Variants in PRKCQ observed in about 807,000 individuals in gnomAD.
PRKCQ encodes protein kinase C theta, also known as protein kinase C theta type.
In PRKCQ, 41 loss-of-function variants were observed where a neutral mutation model predicts 91.2. The ratio of observed to expected loss-of-function variants is 0.45; its 90% CI spans 0.35 to 0.58. The LOEUF (loss-of-function observed/expected upper bound fraction) is 0.58, where lower values mean the gene tolerates loss of function less well. PRKCQ is among the 20% of genes least tolerant of loss of function. The pLI is 0.00. For synonymous variants in PRKCQ, 307 were observed against 316.9 expected (o/e 0.97, Z 0.33); for missense variants, 673 against 896.5 (o/e 0.75, Z 3.18).
At chr10:6,415,730 TTC>T in the PRKCQ span, among the ~76,000 whole-genome samples, 4 of 134,030 alleles carry the variant, frequency 3.0e-5, no homozygotes, top group African/African-American at 5.3e-5. Context: ...CTGCTAATGT[TTC>T]TCTCTCTCTC....
At chr10:6,549,390 A>C (rs1241175251) in intron 1 of PRKCQ, among the ~76,000 whole-genome samples, 1 of 152,158 alleles carries the variant, frequency 6.6e-6, no homozygotes, top group Non-Finnish European at 1.5e-5. Context: ...GGACTAAAGC[A>C]AGAAGTCTGG....
intron 14 of PRKCQ, among the ~76,000 whole-genome samples, chr10:6,459,249 A>G (rs1243422928): frequency 4.6e-5 from 7 of 152,194 alleles, no homozygotes; most frequent in Admixed American, 4.6e-4. Flanking sequence ...AATTGGAATA[A>G]CATTCACTTG....
At chr10:6,513,885 A>G (rs1416374085) in intron 2 of PRKCQ, among the ~76,000 whole-genome samples, 1 of 152,200 alleles carries the variant, frequency 6.6e-6, no homozygotes, top group Non-Finnish European at 1.5e-5. Flanking sequence ...AGGCCTTTGC[A>G]GGACAACCCT....
At chr10:6,482,344 C>T (rs1419313710) in intron 11 of PRKCQ, among the ~76,000 whole-genome samples, 1 of 152,136 alleles carries the variant, frequency 6.6e-6, no homozygotes, top group Non-Finnish European at 1.5e-5. Context: ...CAACTGTAAT[C>T]CCAGCTACTA....
At chr10:6,395,185 T>A in the PRKCQ span, among the ~76,000 whole-genome samples, 3 of 149,496 alleles carry the variant, frequency 2.0e-5, no homozygotes, top group Admixed American at 2.0e-4. Context: ...CGCTTCAGCC[T>A]CCCGAGTAGC....
At chr10:6,544,498 G>T (rs1271906455) in intron 1 of PRKCQ, among the ~76,000 whole-genome samples, 3 of 152,156 alleles carry the variant, frequency 2.0e-5, no homozygotes, top group Admixed American at 6.5e-5. Flanking sequence ...ATTGATAAAT[G>T]GAGATAACTG....
intron 8 of PRKCQ, chr10:6,489,653 T>G (rs1588749287): frequency 1.8e-5 from 6 of 324,796 alleles, no homozygotes; most frequent in Non-Finnish European, 3.1e-5. Flanking sequence ...GTGAGCACAG[T>G]GGAGGGGCAG....
At position 6,430,848 on chromosome 10, in the gene PRKCQ, C is replaced by T. The variant is rs1035888608; in HGVS notation, c.1927G>A (p.Glu643Lys). 6.2e-7 allele frequency: 1 copy of T among 1,614,038 alleles called. No individual in the cohort carries two copies. Residue 643 changes from glutamate (E) to lysine (K), a missense_variant, in exon 17 of 18, where the codon GAA becomes AAA. Transcript: ENST00000263125. This position sits in a 1 kb window ranked among gnomAD's most constrained non-coding sequence, Gnocchi z 4.7. ...LFREINWEELERKEIDPPFRP... is the reference protein window; with the variant it reads ...LFREINWEELKRKEIDPPFRP... The stretch of plus-strand genomic sequence containing the variant: ...AACGGTGGGTCAATCTCCTTCCGTT[C>T]AAGTTCCTCCCAGTTGATCTCCCGA...
intron 11 of PRKCQ, 116 bp downstream of exon 11, chr10:6,483,324 G>T: frequency 2.9e-6 from 4 of 1,364,626 alleles, no homozygotes; most frequent in Non-Finnish European, 4.1e-6. Context: ...CAGGAAAGCT[G>T]TCTCTGACAC....
intron 14 of PRKCQ, among the ~76,000 whole-genome samples, chr10:6,458,183 G>A (rs1188305928): frequency 6.6e-6 from 1 of 152,222 alleles, no homozygotes; most frequent in Non-Finnish European, 1.5e-5. Flanking sequence ...CAATCCTTCT[G>A]CCTCAGACTC....
chr10:6,561,293 G>A (rs1220154074), intron 1 of PRKCQ, among the ~76,000 whole-genome samples: 3 of 140,740 alleles, frequency 2.1e-5, no homozygotes, highest in Admixed American at 7.8e-5. Flanking sequence ...GATCACCTGA[G>A]CCTGGGAGGT....
the PRKCQ span, among the ~76,000 whole-genome samples, chr10:6,411,136 A>G: frequency 9.2e-5 from 14 of 152,328 alleles, no homozygotes; most frequent in South Asian, 2.3e-3. Context: ...GCTTATAATG[A>G]GAGAGGAGTC....
chr10:6,498,474 T>G lies in PRKCQ; in HGVS notation c.464A>C (p.His155Pro), dbSNP rs745983195. The G allele has an allele frequency of 6.2e-7, 1 of 1,614,188 alleles. No homozygotes were observed. The highest frequency in any genetic ancestry group is 8.5e-7 in the Non-Finnish European group (1 of 1,180,030). Residue 155 changes from histidine (H) to proline (P), a missense_variant, in exon 5 of 18, where the codon CAC becomes CCC. His to Pro is a moderately conservative substitution (Grantham distance 77). Coordinates refer to ENST00000263125, the MANE Select transcript of PRKCQ (RefSeq NM_006257.5). ...RRGAIKQAKVHHVKCHEFTAT... is the reference protein window; with the variant it reads ...RRGAIKQAKVPHVKCHEFTAT... ...AGTGAACTCGTGGCACTTGACGTGGTGGACCTTTGCCTGCTTGATGGCACC... is the reference window on the plus strand; with the variant it reads ...AGTGAACTCGTGGCACTTGACGTGGGGGACCTTTGCCTGCTTGATGGCACC...
intron 15 of PRKCQ, among the ~76,000 whole-genome samples, chr10:6,449,793 A>G (rs531067076): frequency 3.9e-5 from 6 of 152,338 alleles, no homozygotes; most frequent in African/African-American, 1.2e-4. Flanking sequence ...ATTCTTAAAG[A>G]AAAGAATTTT....
In PRKCQ at chr10:6,576,144, A is replaced by G. The variant is rs867827474; in HGVS notation, c.-10+4067T>C. Among the ~76,000 whole-genome samples the G allele has an allele frequency of 1.3e-5, 2 of 152,192 alleles. No homozygotes were observed. The highest frequency in any genetic ancestry group is 4.8e-5 in the African/African-American group (2 of 41,436). On this transcript the variant is annotated intron_variant, in intron 1 of 17. Coordinates refer to ENST00000263125, the MANE Select transcript of PRKCQ (RefSeq NM_006257.5). The surrounding 1 kb of genome is among the most constrained non-coding windows in gnomAD (Gnocchi z 4.2). ...CGGTCCAGCCACTGTGGAAAACAATATGGCAGTTCCTCAAAAAATTAAACA... is the reference window on the plus strand; with the variant it reads ...CGGTCCAGCCACTGTGGAAAACAATGTGGCAGTTCCTCAAAAAATTAAACA...
At chr10:6,460,876 C>G (rs1251168691) in intron 14 of PRKCQ, among the ~76,000 whole-genome samples, 1 of 151,598 alleles carries the variant, frequency 6.6e-6, no homozygotes, top group East Asian at 1.9e-4. Context: ...TTCAATTTAC[C>G]CATCACCCAT....
intron 1 of PRKCQ, among the ~76,000 whole-genome samples, chr10:6,567,023 C>T (rs2130967112): frequency 6.6e-6 from 1 of 152,072 alleles, no homozygotes; most frequent in East Asian, 1.9e-4. Context: ...TCCAAGGTTC[C>T]GTCTGAGCTC....
chr10:6,416,389 A>G, the PRKCQ span, among the ~76,000 whole-genome samples: 1 of 152,052 alleles, frequency 6.6e-6, no homozygotes, highest in Admixed American at 6.6e-5. Flanking sequence ...TTGAGTCCCT[A>G]AAGTCCATTA....
chr10:6,507,348 A>G (rs1838251007), intron 4 of PRKCQ, 88 bp downstream of exon 4: 2 of 1,287,020 alleles, frequency 1.6e-6, no homozygotes, highest in Non-Finnish European at 2.3e-6. Context: ...ATTCTCTTCT[A>G]CAATAATTGC....
Sources: allele counts gnomAD v4.1 joint callset (sites outside exome capture counted in the v4.1 genomes callset), GRCh38; gene constraint gnomAD v4.1.1; non-coding constraint Gnocchi (gnomAD v3.1); transcripts MANE v1.5; gene names NCBI Gene and HGNC (gene_info 2026-07-23, HGNC 2026-07-21).